Variants in FBN1 observed in about 807,000 individuals in gnomAD.
FBN1 encodes fibrillin-1.
A neutral mutation model predicts 365.1 loss-of-function variants in FBN1; 29 were observed. That is an observed-to-expected ratio of 0.08 (90% CI 0.06 to 0.11). FBN1 has a LOEUF of 0.11. Ranked by LOEUF, FBN1 falls within the 10% of genes least tolerant of loss-of-function variation. FBN1 has a pLI of 1.00. For missense variants in FBN1, 2,476 were observed against 3,703.2 expected (o/e 0.67, Z 8.60); for synonymous variants, 1,210 against 1,270.5 (o/e 0.95, Z 1.01).
chr15:48,463,368 G>A lies in FBN1; in HGVS notation c.5066-128C>T, dbSNP rs1031733480. ...TGTATTGTAGCTTGACTTTGATAAGGACACAAAAAACTTGCTCTTACACAA... is the reference window on the plus strand; with the variant it reads ...TGTATTGTAGCTTGACTTTGATAAGAACACAAAAAACTTGCTCTTACACAA... On this transcript the variant is annotated intron_variant, in intron 41 of 65. Transcript: ENST00000316623. The A allele has an allele frequency of 1.6e-5, 16 of 973,306 alleles. No homozygotes were observed. The African/African-American group carries it at 2.6e-4, about 16-fold the overall frequency. The allele number at this position is 973,306 out of a possible 1,614,324, so 60.3% of individuals were successfully genotyped here. A position where few individuals can be genotyped will look rare whatever the true frequency, so the allele number is the denominator to read the frequency against.
chr15:48,492,321 G>T, intron 24 of FBN1, 140 bp downstream of exon 24: 1 of 747,970 alleles, frequency 1.3e-6, no homozygotes, highest in Non-Finnish European at 2.3e-6. Flanking sequence ...CAAAGGAGTG[G>T]CCATGGACCC....
rs375615140 is a variant in FBN1, at chr15:48,600,117, C to T, written c.442+22G>A. 1.6e-5 allele frequency: 25 copies of T among 1,540,234 alleles called. No individual in the cohort carries two copies. In the African/African-American group the frequency reaches 3.0e-4, roughly 18 times the overall value. ...TACAAACAGGTTAACATCTAGAATA[C>T]TTATAACTACAGTGTACTTACGTTG... On this transcript the variant is annotated intron_variant, in intron 5 of 65. Transcript: ENST00000316623.
chr15:48,634,174 A>G (rs1277039156), intron 2 of FBN1, among the ~76,000 whole-genome samples: 1 of 152,238 alleles, frequency 6.6e-6, no homozygotes, highest in Non-Finnish European at 1.5e-5. Flanking sequence ...CACTGAATGA[A>G]CAGGGGAAAT....
intron 18 of FBN1, 22 bp from the exon 19 acceptor site, chr15:48,497,413 A>C (rs749135061): frequency 1.9e-6 from 3 of 1,603,848 alleles, no homozygotes; most frequent in Non-Finnish European, 1.7e-6. Flanking sequence ...AAAAGGTCAA[A>C]ATCAATTAAG....
At chr15:48,496,047 G>A (rs2043605605) in intron 20 of FBN1, 53 bp downstream of exon 20, 19 of 1,606,438 alleles carry the variant, frequency 1.2e-5, no homozygotes, top group Admixed American at 1.7e-5. Context: ...GTTTTCTAAT[G>A]GCATTCCAAA....
chr15:48,547,399 C>T (rs1597598719), intron 6 of FBN1, among the ~76,000 whole-genome samples: 1 of 152,208 alleles, frequency 6.6e-6, no homozygotes, highest in Admixed American at 6.5e-5. Context: ...CATGGGAATC[C>T]AAGACCACTA....
chr15:48,560,522 C>G, intron 6 of FBN1, among the ~76,000 whole-genome samples: 1 of 152,110 alleles, frequency 6.6e-6, no homozygotes, highest in South Asian at 2.1e-4. Flanking sequence ...TTGGGATTCC[C>G]CATCCCCTTG....
chr15:48,414,283 A>T (rs1392884205), intron 64 of FBN1, among the ~76,000 whole-genome samples: 1 of 152,190 alleles, frequency 6.6e-6, no homozygotes, highest in African/African-American at 2.4e-5. Context: ...TGTGCTTCCC[A>T]CGAAACATTC....
chr15:48,437,148 C>T, intron 52 of FBN1, 71 bp from the exon 53 acceptor site: 1 of 1,228,626 alleles, frequency 8.1e-7, no homozygotes, highest in Admixed American at 1.7e-5. Context: ...ATGATCATTT[C>T]AGTGTTTAAT....
intron 18 of FBN1, 130 bp downstream of exon 18, chr15:48,498,855 C>T: frequency 1.1e-6 from 1 of 906,012 alleles, no homozygotes; most frequent in Non-Finnish European, 1.9e-6. Context: ...ATCCCAGATA[C>T]ATGGCACAGT....
chr15:48,525,750 A>T (rs2043905480), intron 9 of FBN1, among the ~76,000 whole-genome samples: 1 of 152,200 alleles, frequency 6.6e-6, no homozygotes, highest in African/African-American at 2.4e-5. Flanking sequence ...CAGGGAGACC[A>T]ATTAAGAGAT....
At chr15:48,589,184 T>A (rs1054841064) in intron 6 of FBN1, among the ~76,000 whole-genome samples, 3 of 152,104 alleles carry the variant, frequency 2.0e-5, no homozygotes, top group African/African-American at 7.2e-5. Flanking sequence ...GAAGAAAATG[T>A]CAGCAACAGT....
intron 6 of FBN1, among the ~76,000 whole-genome samples, chr15:48,539,892 T>C (rs2044044773): frequency 6.6e-6 from 1 of 152,244 alleles, no homozygotes. Flanking sequence ...TTACATTGTA[T>C]GCCAGATTTA....
chr15:48,623,763 C>T (rs1025426512), intron 2 of FBN1, among the ~76,000 whole-genome samples: 11 of 152,192 alleles, frequency 7.2e-5, no homozygotes, highest in Non-Finnish European at 1.5e-5. Context: ...GAGTAACTCA[C>T]AGCACAAGCA....
intron 6 of FBN1, among the ~76,000 whole-genome samples, chr15:48,568,390 A>G (rs2044277779): frequency 6.6e-6 from 1 of 152,138 alleles, no homozygotes; most frequent in South Asian, 2.1e-4. Flanking sequence ...GAGGCATTCC[A>G]TGTTCACAGA....
At chr15:48,467,762 T>C (rs1266104060) in intron 38 of FBN1, among the ~76,000 whole-genome samples, 176 bp downstream of exon 38, 1 of 152,092 alleles carries the variant, frequency 6.6e-6, no homozygotes, top group African/African-American at 2.4e-5. Context: ...GATCTTTTAG[T>C]GTGAGCCAAC....
At chr15:48,557,127 T>C (rs929532445) in intron 6 of FBN1, among the ~76,000 whole-genome samples, 1 of 152,126 alleles carries the variant, frequency 6.6e-6, no homozygotes, top group African/African-American at 2.4e-5. Flanking sequence ...GGCAGTGCAG[T>C]AGATGAAAAG....
chr15:48,420,318 C>T (rs1259966299), intron 63 of FBN1, among the ~76,000 whole-genome samples: 1 of 152,186 alleles, frequency 6.6e-6, no homozygotes, highest in Non-Finnish European at 1.5e-5. Context: ...CCAAAAGCCA[C>T]TCAAAATAGC....
chr15:48,471,294 T>C (rs1479306879), intron 35 of FBN1, among the ~76,000 whole-genome samples: 5 of 152,162 alleles, frequency 3.3e-5, no homozygotes, highest in Non-Finnish European at 7.4e-5. Context: ...ACATTCTTCG[T>C]GTGCAGTTGA....
Sources: gnomAD v4.1 joint callset for allele counts (sites outside exome capture counted in the v4.1 genomes callset) on GRCh38, gnomAD v4.1.1 for gene constraint, MANE v1.5 for transcripts, NCBI Gene and HGNC (gene_info 2026-07-23, HGNC 2026-07-21) for gene names.